The following GLIS3 variants were observed in gnomAD, a reference collection of about 807,000 sequenced individuals.
GLIS3 encodes the protein GLIS family zinc finger 3.
In GLIS3, 53 loss-of-function variants were observed where a neutral mutation model predicts 78.6. The observed-to-expected ratio is 0.67, with a 90% CI of 0.54 to 0.85. The LOEUF (loss-of-function observed/expected upper bound fraction) is 0.85. Ranked by LOEUF, GLIS3 falls within the 40% of genes least tolerant of loss-of-function variation. The probability of loss-of-function intolerance (pLI) is 0.00; values close to 1 mark genes in which losing one functional copy is unlikely to be tolerated. For missense variants in GLIS3, 1,703 were observed against 1,231.1 expected (o/e 1.38, Z -5.74); for synonymous variants, 684 against 509.9 (o/e 1.34, Z -4.60).
intron 2 of GLIS3, among the ~76,000 whole-genome samples, chr9:4,171,533 T>A (rs933239612): frequency 4.6e-5 from 7 of 152,158 alleles, no homozygotes; most frequent in African/African-American, 1.7e-4. Flanking sequence ...ACTTCAAAAT[T>A]TGGAATAAGG....
chr9:4,027,299 G>A (rs1823427307), intron 4 of GLIS3, among the ~76,000 whole-genome samples: 1 of 152,174 alleles, frequency 6.6e-6, no homozygotes, highest in Non-Finnish European at 1.5e-5. Flanking sequence ...TAAGGCACAA[G>A]AAGACAATGT....
At chr9:4,432,503 C>T in the GLIS3 span, among the ~76,000 whole-genome samples, 1 of 152,042 alleles carries the variant, frequency 6.6e-6, no homozygotes, top group Non-Finnish European at 1.5e-5. Flanking sequence ...CCTCAAACAC[C>T]ATGTTTAAAG....
At chr9:4,215,875 C>A (rs941252760) in intron 2 of GLIS3, among the ~76,000 whole-genome samples, 1 of 152,044 alleles carries the variant, frequency 6.6e-6, no homozygotes, top group African/African-American at 2.4e-5. Context: ...TTTTCAATAT[C>A]GTTTTCAAAA....
At chr9:4,258,469 A>G (rs1043157936) in intron 2 of GLIS3, among the ~76,000 whole-genome samples, 2 of 152,178 alleles carry the variant, frequency 1.3e-5, no homozygotes, top group East Asian at 3.8e-4. Flanking sequence ...AAGTGTTGGG[A>G]ATTTGTCTTT....
intron 4 of GLIS3, among the ~76,000 whole-genome samples, chr9:4,104,766 A>G (rs1046349973): frequency 6.6e-6 from 1 of 152,074 alleles, no homozygotes; most frequent in African/African-American, 2.4e-5. Context: ...TCTGCCTGGA[A>G]CTTTCCTCCC....
At chr9:4,380,067 G>C in the GLIS3 span, among the ~76,000 whole-genome samples, 1 of 152,102 alleles carries the variant, frequency 6.6e-6, no homozygotes, top group Non-Finnish European at 1.5e-5. Flanking sequence ...TTCACTATCT[G>C]TAGTGCATCA....
At chr9:4,302,336 G>T (rs187843276), upstream of GLIS3, among the ~76,000 whole-genome samples, 1 of 152,140 alleles carries the variant, frequency 6.6e-6, no homozygotes, top group African/African-American at 2.4e-5. Context: ...TGCCTCAACC[G>T]CTGACTCAGG....
chr9:4,167,388 A>G (rs1038784615), intron 2 of GLIS3, among the ~76,000 whole-genome samples: 8 of 152,188 alleles, frequency 5.3e-5, no homozygotes, highest in Non-Finnish European at 2.9e-5. Flanking sequence ...AGGAAAGAAA[A>G]ATAAATATAT....
At chr9:4,306,879 T>C (rs1038164026) in intron 4 of GLIS3, among the ~76,000 whole-genome samples, 5 of 152,228 alleles carry the variant, frequency 3.3e-5, no homozygotes, top group Non-Finnish European at 5.9e-5. Context: ...CCTTAGATTC[T>C]AGACTGAATT....
At chr9:4,188,438 G>C (rs970303016) in intron 2 of GLIS3, among the ~76,000 whole-genome samples, 1 of 149,580 alleles carries the variant, frequency 6.7e-6, no homozygotes, top group South Asian at 2.2e-4. Flanking sequence ...GTTCATCAAG[G>C]ATATTGGTCT....
intron 2 of GLIS3, among the ~76,000 whole-genome samples, chr9:4,203,635 C>T (rs1397852309): frequency 2.0e-5 from 3 of 152,144 alleles, no homozygotes; most frequent in Non-Finnish European, 4.4e-5. Flanking sequence ...AATTTTTCAA[C>T]CAAAAAGATA....
chr9:4,162,911 A>C (rs1835605684), intron 2 of GLIS3, among the ~76,000 whole-genome samples: 1 of 144,628 alleles, frequency 6.9e-6, no homozygotes, highest in Non-Finnish European at 1.5e-5. Flanking sequence ...TCCATGCAAA[A>C]ATACCTACAC....
At chr9:4,382,525 C>T in the GLIS3 span, among the ~76,000 whole-genome samples, 1 of 152,122 alleles carries the variant, frequency 6.6e-6, no homozygotes, top group Non-Finnish European at 1.5e-5. Context: ...GTCTGAATTC[C>T]TATGGTTCTT....
chr9:4,228,468 T>G (rs1283157973), intron 2 of GLIS3, among the ~76,000 whole-genome samples: 1 of 152,180 alleles, frequency 6.6e-6, no homozygotes, highest in East Asian at 1.9e-4. Context: ...CTCAAAAGGA[T>G]GCACCTGCAA....
Position 4,041,557 on chromosome 9 carries a change from G to A in GLIS3, c.1710+76211C>T, listed in dbSNP as rs187701600. ...TGTGTGTGTCTCTGTGATGTTATCA[G>A]GTGCCTACTTAATTGTTCATAAAAC... On this transcript the variant is annotated intron_variant, in intron 4 of 10. Coordinates refer to ENST00000381971, the MANE Select transcript of GLIS3 (RefSeq NM_001042413.2). Among the ~76,000 whole-genome samples, 5 of 152,216 alleles carry A rather than the reference G, an allele frequency of 3.3e-5. No homozygotes were observed. The East Asian group carries it at 9.6e-4, about 29-fold the overall frequency.
intron 4 of GLIS3, among the ~76,000 whole-genome samples, chr9:4,059,743 G>C (rs998650268): frequency 1.5e-4 from 22 of 151,220 alleles, no homozygotes; most frequent in African/African-American, 4.6e-4. Flanking sequence ...ACTTTGCCAG[G>C]GATGAAAGCA....
At chr9:4,194,833 C>A (rs1321442072) in intron 2 of GLIS3, among the ~76,000 whole-genome samples, 1 of 152,196 alleles carries the variant, frequency 6.6e-6, no homozygotes, top group Non-Finnish European at 1.5e-5. Flanking sequence ...TAGGGAGACG[C>A]TTGAAGATGC....
intron 2 of GLIS3, among the ~76,000 whole-genome samples, chr9:4,172,517 T>A (rs1816458830): frequency 6.6e-6 from 1 of 152,216 alleles, no homozygotes. Context: ...ATATAGGGTA[T>A]TTGGCACTTT....
the GLIS3 span, among the ~76,000 whole-genome samples, chr9:4,391,746 A>G: frequency 6.6e-6 from 1 of 152,232 alleles, no homozygotes; most frequent in Non-Finnish European, 1.5e-5. Context: ...ACAATGAAAC[A>G]CACATCCAGT....
Sources: gnomAD v4.1 joint callset for allele counts (sites outside exome capture counted in the v4.1 genomes callset) on GRCh38, gnomAD v4.1.1 for gene constraint, MANE v1.5 for transcripts, NCBI Gene and HGNC (gene_info 2026-07-23, HGNC 2026-07-21) for gene names.